Variants in RBM27 observed in about 807,000 individuals in gnomAD.
RBM27 encodes RNA-binding protein 27.
Under a neutral mutation model 135.3 loss-of-function variants are expected in RBM27, and 22 were observed. The observed-to-expected ratio is 0.16, with a 90% CI of 0.12 to 0.23. The LOEUF is 0.23. Among genes scored for constraint, RBM27 ranks in the 10% least tolerant of loss-of-function variants. The probability of loss-of-function intolerance (pLI) is 1.00; values close to 1 mark genes in which losing one functional copy is unlikely to be tolerated. For missense variants in RBM27, 1,009 were observed against 1,281.0 expected (o/e 0.79, Z 3.24); for synonymous variants, 481 against 442.4 (o/e 1.09, Z -1.10).
At chr5:146,242,349 AT>A (rs2126791447) in intron 8 of RBM27, among the ~76,000 whole-genome samples, 1 of 152,308 alleles carries the variant, frequency 6.6e-6, no homozygotes, top group Non-Finnish European at 1.5e-5. Context: ...GCTTTAGAGG[AT>A]TGTCTTATAT....
intron 20 of RBM27, among the ~76,000 whole-genome samples, chr5:146,285,215 A>T (rs1439350738): frequency 1.3e-5 from 2 of 152,186 alleles, no homozygotes; most frequent in Admixed American, 1.3e-4. Flanking sequence ...TCAGCTTCTT[A>T]AAATATATGA....
At chr5:146,255,514 T>TA (rs1405192926) in intron 10 of RBM27, among the ~76,000 whole-genome samples, 1 of 152,220 alleles carries the variant, frequency 6.6e-6, no homozygotes, top group East Asian at 1.9e-4. Context: ...TCTAAAATGT[T>TA]ACAATTATTT....
At chr5:146,207,758 G>C (rs1343497533) in intron 1 of RBM27, among the ~76,000 whole-genome samples, 2 of 145,510 alleles carry the variant, frequency 1.4e-5, no homozygotes, top group African/African-American at 2.6e-5. Context: ...GGGTTCAAGC[G>C]ATTCTCCTGC....
In RBM27 at chr5:146,233,653, G is replaced by T; in HGVS notation, c.1054G>T (p.Gly352Cys). 1 of 1,562,336 alleles carries T rather than the reference G, an allele frequency of 6.4e-7. No homozygotes were observed. Among genetic ancestry groups the T allele is most frequent in the South Asian group, 1.2e-5 (1 of 82,966 alleles). The change falls in exon 7 of 21, where the codon GGC (glycine) becomes TGC (cysteine). Residue 352 changes from glycine (G) to cysteine (C), a missense_variant. Gly to Cys is a radical substitution (Grantham distance 159, BLOSUM62 -3). Around this residue, in one of 6 missense-constraint regions of RBM27, gnomAD observed 329 missense variants for 368.1 expected, o/e 0.89. Transcript: ENST00000265271. The part of the protein sequence containing the change: ...GPGPGPGPGP[G>C]PGPGPGHSMR... ...GGGCCCAGGTCCAGGCCCAGGCCCG[G>T]GCCCAGGTCCAGGTCCTGGCCATAG...
chr5:146,230,231 CTTT>C lies in RBM27; in HGVS notation c.589+322_589+324del, dbSNP rs1421429285. On this transcript the variant is annotated intron_variant, in intron 5 of 20. Coordinates refer to ENST00000265271, the MANE Select transcript of RBM27 (RefSeq NM_018989.2). ...AGGAAGAGGGTTGCCTGCTTTTCTT[CTTT>C]GTTTGGTTTTCTAAAAGTAATTGAT... Among the ~76,000 whole-genome samples the C allele has an allele frequency of 5.9e-5, 9 of 152,172 alleles. No homozygotes were observed. In the East Asian group the frequency reaches 1.7e-3, roughly 29 times the overall value.
intron 9 of RBM27, among the ~76,000 whole-genome samples, chr5:146,253,027 T>C (rs1757961842): frequency 6.6e-6 from 1 of 152,200 alleles, no homozygotes; most frequent in South Asian, 2.1e-4. Flanking sequence ...CTCGCTCTGC[T>C]GCCTAGGCTG....
intron 19 of RBM27, among the ~76,000 whole-genome samples, chr5:146,282,000 CTT>C (rs777368235): frequency 2.0e-5 from 2 of 101,476 alleles, no homozygotes; most frequent in Admixed American, 1.2e-4. Context: ...TATTTTTCAT[CTT>C]TTTTTTTTTT....
At chr5:146,280,932 A>C (rs1759323114) in intron 19 of RBM27, among the ~76,000 whole-genome samples, 1 of 152,048 alleles carries the variant, frequency 6.6e-6, no homozygotes, top group Non-Finnish European at 1.5e-5. Context: ...ATCTTGGCTC[A>C]CTGCAGCCTT....
At chr5:146,283,458 A>G (rs1759450552) in intron 19 of RBM27, among the ~76,000 whole-genome samples, 1 of 151,994 alleles carries the variant, frequency 6.6e-6, no homozygotes, top group Non-Finnish European at 1.5e-5. Context: ...GATCACTTGG[A>G]CCCAGGGAGT....
intron 1 of RBM27, among the ~76,000 whole-genome samples, chr5:146,215,145 G>C (rs193060085): frequency 6.6e-6 from 1 of 152,230 alleles, no homozygotes; most frequent in African/African-American, 2.4e-5. Context: ...TGCCTCCCAG[G>C]CTCAAGCAGT....
chr5:146,222,247 T>G (rs904388872), intron 2 of RBM27, among the ~76,000 whole-genome samples: 2 of 152,244 alleles, frequency 1.3e-5, no homozygotes, highest in African/African-American at 4.8e-5. Context: ...GATGCTTTTC[T>G]GTAGAAAAGA....
chr5:146,261,270 G>A (rs149338418), intron 12 of RBM27: 141 of 571,964 alleles, frequency 2.5e-4, no homozygotes, highest in African/African-American at 2.4e-3. Flanking sequence ...AGAAAGAGGG[G>A]GTCAGGGCAG....
At chr5:146,239,986 T>C (rs1757335074) in intron 8 of RBM27, among the ~76,000 whole-genome samples, 1 of 151,868 alleles carries the variant, frequency 6.6e-6, no homozygotes, top group Admixed American at 6.6e-5. Flanking sequence ...ACTATGTTGC[T>C]CAGGCTGGTC....
chr5:146,274,805 C>G (rs1478031380), intron 19 of RBM27, among the ~76,000 whole-genome samples: 1 of 151,786 alleles, frequency 6.6e-6, no homozygotes, highest in Non-Finnish European at 1.5e-5. Flanking sequence ...TAAAAACATA[C>G]ATTAATATAT....
chr5:146,234,661 GA>G (rs1360034190), intron 7 of RBM27, among the ~76,000 whole-genome samples: 2 of 152,032 alleles, frequency 1.3e-5, no homozygotes, highest in African/African-American at 4.8e-5. Context: ...AAAAGTAATT[GA>G]AAAAATTATG....
At chr5:146,208,199 C>T (rs899031255) in intron 1 of RBM27, among the ~76,000 whole-genome samples, 2 of 151,764 alleles carry the variant, frequency 1.3e-5, no homozygotes. Flanking sequence ...TCGTGATCCA[C>T]CTGCCTCGGC....
At chr5:146,273,462 A>T (rs1758952751) in intron 19 of RBM27, among the ~76,000 whole-genome samples, 2 of 152,226 alleles carry the variant, frequency 1.3e-5, no homozygotes. Flanking sequence ...CAGATGAGGT[A>T]ACTTCAAGAA....
chr5:146,226,418 G>A (rs1199124501), intron 3 of RBM27, among the ~76,000 whole-genome samples: 1 of 151,790 alleles, frequency 6.6e-6, no homozygotes, highest in African/African-American at 2.4e-5. Context: ...CATTCTTGTT[G>A]CCCAGGCTGG....
intron 8 of RBM27, among the ~76,000 whole-genome samples, chr5:146,242,859 A>G (rs1048367809): frequency 2.6e-5 from 4 of 152,014 alleles, no homozygotes; most frequent in African/African-American, 9.7e-5. Flanking sequence ...CAGCCTCCCA[A>G]AGTGCTGTGA....
Sources: gnomAD v4.1 joint callset for allele counts (sites outside exome capture counted in the v4.1 genomes callset) on GRCh38, gnomAD v4.1.1 for gene constraint, gnomAD v4.1.1 regional missense constraint, MANE v1.5 for transcripts, NCBI Gene and HGNC (gene_info 2026-07-23, HGNC 2026-07-21) for gene names.